The following RNF169 variants were observed in gnomAD, a reference collection of about 807,000 sequenced individuals.
RNF169 encodes the protein E3 ubiquitin-protein ligase RNF169.
A neutral mutation model predicts 53.9 loss-of-function variants in RNF169; 24 were observed. The ratio of observed to expected loss-of-function variants is 0.45; its 90% CI spans 0.32 to 0.63. RNF169 has a LOEUF of 0.63. Among genes scored for constraint, RNF169 ranks in the 20% least tolerant of loss-of-function variants. The pLI, the probability that RNF169 is intolerant of heterozygous loss-of-function variation, is 0.04. For missense variants in RNF169, 883 were observed against 906.2 expected, an observed-to-expected ratio of 0.97 and a Z score of 0.33; for synonymous variants, 396 against 363.5, an observed-to-expected ratio of 1.09 and a Z score of -1.02.
At chr11:74,770,569 G>A (rs190578179) in intron 1 of RNF169, among the ~76,000 whole-genome samples, 50 of 152,194 alleles carry the variant, frequency 3.3e-4, no homozygotes, top group African/African-American at 1.2e-3. Context: ...TCAAAATAAT[G>A]GCTCGCAGTT....
chr11:74,759,655 G>A (rs2035047645), intron 1 of RNF169, among the ~76,000 whole-genome samples: 2 of 145,400 alleles, frequency 1.4e-5, no homozygotes, highest in South Asian at 2.2e-4. Flanking sequence ...TCCCAGGGAT[G>A]AAGCCCACTT....
chr11:74,773,101 T>C (rs1041416124), intron 1 of RNF169, among the ~76,000 whole-genome samples: 10 of 152,338 alleles, frequency 6.6e-5, no homozygotes, highest in Middle Eastern at 6.8e-3. Flanking sequence ...GAACTTAAAC[T>C]GAGCTTTTGG....
intron 1 of RNF169, among the ~76,000 whole-genome samples, chr11:74,757,608 C>A: frequency 1.1e-4 from 5 of 44,438 alleles, no homozygotes; most frequent in African/African-American, 5.7e-4. Flanking sequence ...GTTTACAGTC[C>A]CACCAACAGT....
chr11:74,825,102 A>C (rs935432732), intron 4 of RNF169, among the ~76,000 whole-genome samples: 2 of 152,222 alleles, frequency 1.3e-5, no homozygotes, highest in Admixed American at 1.3e-4. Context: ...AATTGTTACA[A>C]AAGACAAAGA....
At chr11:74,774,594 G>C (rs1347590773) in intron 1 of RNF169, among the ~76,000 whole-genome samples, 1 of 152,106 alleles carries the variant, frequency 6.6e-6, no homozygotes, top group African/African-American at 2.4e-5. Flanking sequence ...TTTATTAAGA[G>C]CAGTTTTGGT....
chr11:74,804,449 G>A (rs1219815447), intron 2 of RNF169, among the ~76,000 whole-genome samples: 1 of 152,200 alleles, frequency 6.6e-6, no homozygotes, highest in Non-Finnish European at 1.5e-5. Context: ...TATCTGTCAT[G>A]TTTTTGCACT....
At chr11:74,821,820 C>T (rs1214210460) in intron 4 of RNF169, among the ~76,000 whole-genome samples, 2 of 152,034 alleles carry the variant, frequency 1.3e-5, no homozygotes, top group Admixed American at 1.3e-4. Context: ...CAGAAATGTT[C>T]TAAAATTAAT....
intron 1 of RNF169, among the ~76,000 whole-genome samples, chr11:74,770,877 C>G (rs550622243): frequency 6.6e-6 from 1 of 152,262 alleles, no homozygotes; most frequent in Admixed American, 6.5e-5. Context: ...ACGATCTCAG[C>G]TCACTACAAC....
Position 74,836,248 on chromosome 11 carries a change from G to A in RNF169, c.1645G>A (p.Glu549Lys). The A allele has an allele frequency of 6.2e-7, 1 of 1,614,180 alleles. No individual in the cohort carries two copies. The highest frequency in any genetic ancestry group is 1.3e-5 in the African/African-American group (1 of 75,044). Residue 549 changes from glutamate (E) to lysine (K), a missense_variant, in exon 6 of 6, where the codon GAG (glutamate) becomes AAG (lysine). By Grantham distance (56) the Glu-to-Lys change is moderately conservative (BLOSUM62 1). Coordinates refer to ENST00000299563, the MANE Select transcript of RNF169 (RefSeq NM_001098638.2). ...SGTSLEREQF[E>K]GLGSTPDAKL... ...GACTTCTTTGGAGAGGGAGCAGTTT[G>A]AGGGGTTAGGGTCAACTCCAGATGC...
chr11:74,788,252 T>G (rs1451871958), intron 1 of RNF169, among the ~76,000 whole-genome samples: 2 of 152,114 alleles, frequency 1.3e-5, no homozygotes, highest in Non-Finnish European at 2.9e-5. Flanking sequence ...ATTGTTTGCC[T>G]TAAGAGATAT....
At chr11:74,792,915 A>G (rs1043811712) in intron 2 of RNF169, among the ~76,000 whole-genome samples, 5 of 152,204 alleles carry the variant, frequency 3.3e-5, no homozygotes, top group African/African-American at 1.2e-4. Flanking sequence ...AAAGTTAGCT[A>G]CCGGTCCATC....
chr11:74,825,572 G>A (rs1239259965), intron 4 of RNF169, among the ~76,000 whole-genome samples: 2 of 152,222 alleles, frequency 1.3e-5, no homozygotes, highest in African/African-American at 4.8e-5. Flanking sequence ...CCACAGGGAC[G>A]ATGATGAGTT....
At position 74,748,855 on chromosome 11, in the gene RNF169, G is replaced by T; in HGVS notation, c.-26G>T. ...CCCTCCACTCTTCTCCCTCGCAACC[G>T]ACTCTCCCTTCAAACGGGAAACAAG... On this transcript the variant is annotated 5_prime_UTR_variant, in exon 1 of 6. Transcript: ENST00000299563. 5 of 1,377,868 alleles carry T rather than the reference G, an allele frequency of 3.6e-6. No individual in the cohort carries two copies. Among genetic ancestry groups the T allele is most frequent in the South Asian group, 1.8e-5 (1 of 56,408 alleles). The allele number at this position is 1,377,868 out of a possible 1,614,324, so 85.4% of individuals were successfully genotyped here.
chr11:74,789,554 C>A, intron 1 of RNF169, 72 bp from the exon 2 acceptor site: 1 of 855,996 alleles, frequency 1.2e-6, no homozygotes, highest in Non-Finnish European at 1.9e-6. Context: ...ATATAACCCA[C>A]ATGTATTGTG....
chr11:74,810,382 C>T, intron 3 of RNF169, 52 bp downstream of exon 3: 1 of 1,555,754 alleles, frequency 6.4e-7, no homozygotes, highest in Non-Finnish European at 8.8e-7. Context: ...CAGTGGTTAG[C>T]CCAGGTGACC....
intron 5 of RNF169, 21 bp downstream of exon 5, chr11:74,834,796 T>G: frequency 6.4e-7 from 1 of 1,572,842 alleles, no homozygotes; most frequent in South Asian, 1.1e-5. Context: ...GCCACAGACC[T>G]CCGGGGCTTG....
At chr11:74,764,759 A>T (rs959474455) in intron 1 of RNF169, among the ~76,000 whole-genome samples, 2 of 149,714 alleles carry the variant, frequency 1.3e-5, no homozygotes, top group African/African-American at 5.1e-5. Flanking sequence ...GTAGGGGCTA[A>T]AACCAAGGTA....
chr11:74,753,198 T>C (rs1272656618), intron 1 of RNF169, among the ~76,000 whole-genome samples: 4 of 152,108 alleles, frequency 2.6e-5, no homozygotes, highest in Admixed American at 2.0e-4. Flanking sequence ...AAACTCCTGA[T>C]CTCAGGTGAT....
intron 1 of RNF169, among the ~76,000 whole-genome samples, chr11:74,768,058 C>T (rs910338206): frequency 3.9e-5 from 6 of 152,104 alleles, no homozygotes; most frequent in Admixed American, 2.0e-4. Flanking sequence ...TTGAAGAACA[C>T]GATGGGTGGA....
Sources: allele counts gnomAD v4.1 joint callset (sites outside exome capture counted in the v4.1 genomes callset), GRCh38; gene constraint gnomAD v4.1.1; transcripts MANE v1.5; gene names NCBI Gene and HGNC (gene_info 2026-07-23, HGNC 2026-07-21).